Variants in BCR observed in about 807,000 individuals in gnomAD.
The protein encoded by BCR is breakpoint cluster region protein.
BCR carries 58 observed loss-of-function variants against 138.6 expected under a neutral mutation model. The observed-to-expected ratio is 0.42, with a 90% CI of 0.34 to 0.52. The LOEUF is 0.52. BCR is among the 20% of genes least tolerant of loss of function. BCR has a pLI of 0.06. For missense variants in BCR, 1,599 were observed against 1,727.2 expected (o/e 0.93, Z 1.32); for synonymous variants, 786 against 730.1 (o/e 1.08, Z -1.23).
chr22:23,220,437 C>CT (rs2072811455), intron 1 of BCR, among the ~76,000 whole-genome samples: 1 of 152,172 alleles, frequency 6.6e-6, no homozygotes, highest in East Asian at 1.9e-4. Flanking sequence ...GTGGCTATAA[C>CT]TGTCTTGGAG....
intron 1 of BCR, among the ~76,000 whole-genome samples, chr22:23,249,305 G>T (rs1363447725): frequency 6.6e-6 from 1 of 152,008 alleles, no homozygotes; most frequent in Non-Finnish European, 1.5e-5. Context: ...GGTGGCGCAC[G>T]CCTGTAGTCC....
chr22:23,182,146 C>G lies in BCR; in HGVS notation c.1186C>G (p.Pro396Ala). 1 of 1,609,860 alleles carries G rather than the reference C, an allele frequency of 6.2e-7. No individual in the cohort carries two copies. The highest frequency in any genetic ancestry group is 8.5e-7 in the Non-Finnish European group (1 of 1,179,792). ...GTGCCATAAGCGGCACCGGCACTGC[C>G]CGGTTGTCGTGTCCGAGGCCACCAT... ...PQCHKRHRHCPVVVSEATIVG... is the reference protein window; with the variant it reads ...PQCHKRHRHCAVVVSEATIVG... The change falls in exon 1 of 23, where the codon CCG becomes GCG. Residue 396 changes from proline (P) to alanine (A), a missense_variant. Around this residue, in one of 4 missense-constraint regions of BCR, gnomAD observed 806 missense variants for 635.0 expected, o/e 1.27. Coordinates refer to ENST00000305877, the MANE Select transcript of BCR (RefSeq NM_004327.4).
At chr22:23,225,502 C>T (rs1034591626) in intron 1 of BCR, among the ~76,000 whole-genome samples, 3 of 152,190 alleles carry the variant, frequency 2.0e-5, no homozygotes, top group Non-Finnish European at 2.9e-5. Context: ...GGATGTGGCC[C>T]AAGCTCAGTC....
chr22:23,255,140 G>T (rs984888626), intron 2 of BCR, among the ~76,000 whole-genome samples: 4 of 152,132 alleles, frequency 2.6e-5, no homozygotes, highest in African/African-American at 9.7e-5. Context: ...CTTTTTTCTG[G>T]GGCTGACATG....
intron 1 of BCR, among the ~76,000 whole-genome samples, chr22:23,238,325 G>A (rs1432188148): frequency 1.3e-5 from 2 of 152,056 alleles, no homozygotes; most frequent in Non-Finnish European, 2.9e-5. Flanking sequence ...CAGATTTTCC[G>A]GGGGAAAATC....
chr22:23,231,162 TG>T, intron 1 of BCR, among the ~76,000 whole-genome samples: 1 of 152,160 alleles, frequency 6.6e-6, no homozygotes. Context: ...GAAGGGATTT[TG>T]TTTTTGAGAC....
chr22:23,273,066 C>A lies in BCR; in HGVS notation c.1922-15C>A. The stretch of plus-strand genomic sequence containing the variant: ...TCCATGTGCAACCTCTCTCACCTCC[C>A]CTCTCTCTCCACAGCTCTGCTCTAC... On this transcript the variant is annotated splice_polypyrimidine_tract_variant and intron_variant, in intron 6 of 22. Transcript: ENST00000305877. 6.2e-7 allele frequency: 1 copy of A among 1,611,464 alleles called. No homozygotes were observed. Among genetic ancestry groups the A allele is most frequent in the Non-Finnish European group, 8.5e-7 (1 of 1,178,218 alleles).
chr22:23,246,566 T>G (rs1298285522), intron 1 of BCR, among the ~76,000 whole-genome samples: 1 of 152,126 alleles, frequency 6.6e-6, no homozygotes, highest in Non-Finnish European at 1.5e-5. Context: ...TGCCTTCTCT[T>G]TGGAATGAAA....
intron 1 of BCR, among the ~76,000 whole-genome samples, chr22:23,253,065 G>A (rs942438340): frequency 1.3e-5 from 2 of 152,116 alleles, no homozygotes; most frequent in African/African-American, 4.8e-5. Flanking sequence ...TTGCTGGAAC[G>A]GCTCAGAGAA....
chr22:23,241,290 G>T (rs907340489), intron 1 of BCR, among the ~76,000 whole-genome samples: 1 of 152,212 alleles, frequency 6.6e-6, no homozygotes, highest in Non-Finnish European at 1.5e-5. Flanking sequence ...CCGGGCTCAG[G>T]GTGGTGACCG....
intron 1 of BCR, among the ~76,000 whole-genome samples, chr22:23,226,393 A>G (rs1047342052): frequency 5.9e-5 from 9 of 152,036 alleles, no homozygotes; most frequent in African/African-American, 2.2e-4. Flanking sequence ...GTAAGAGAGC[A>G]AAGGATCTTC....
intron 1 of BCR, among the ~76,000 whole-genome samples, chr22:23,251,844 C>T (rs1197979326): frequency 6.6e-6 from 1 of 152,142 alleles, no homozygotes; most frequent in Non-Finnish European, 1.5e-5. Context: ...AGAAGGGATC[C>T]TCACATGAGC....
At chr22:23,307,583 G>T (rs968811645) in intron 16 of BCR, 3 of 151,380 alleles carry the variant, frequency 2.0e-5, no homozygotes, top group African/African-American at 7.3e-5. Context: ...GCTTCTCAGG[G>T]TGGGGTCCCT....
At chr22:23,219,216 A>G (rs1343431252) in intron 1 of BCR, among the ~76,000 whole-genome samples, 2 of 152,208 alleles carry the variant, frequency 1.3e-5, no homozygotes, top group South Asian at 4.1e-4. Flanking sequence ...GTGTCTTCCA[A>G]CTGGGTAGGT....
intron 8 of BCR, 87 bp downstream of exon 8, chr22:23,273,861 TC>T: frequency 6.4e-7 from 1 of 1,555,602 alleles, no homozygotes; most frequent in Non-Finnish European, 8.8e-7. Context: ...CTGGAGCCCT[TC>T]CTGGTCCTCA....
At position 23,181,422 on chromosome 22, in the gene BCR, C is replaced by G; in HGVS notation, c.462C>G (p.Leu154=). 6.3e-7 allele frequency: 1 copy of G among 1,583,856 alleles called. No individual in the cohort carries two copies. Among genetic ancestry groups the G allele is most frequent in the Non-Finnish European group, 8.6e-7 (1 of 1,162,994 alleles). Residue 154 remains leucine, a synonymous_variant, in exon 1 of 23, where the codon CTC becomes CTG. Transcript: ENST00000305877. ...GACCCCCCGCCAGCGTGGCGGCGCT[C>G]AGGTCCAACTTCGAGCGGATCCGCA... ...DRGPPASVAA[L]RSNFERIRKG...
chr22:23,310,131 T>C, intron 17 of BCR, 193 bp from the exon 18 acceptor site: 1 of 527,654 alleles, frequency 1.9e-6, no homozygotes, highest in South Asian at 2.0e-5. Context: ...ACCAGTCGTT[T>C]ACATCATCTT....
intron 1 of BCR, among the ~76,000 whole-genome samples, chr22:23,228,130 A>G (rs940605541): frequency 1.3e-5 from 2 of 152,128 alleles, no homozygotes; most frequent in Non-Finnish European, 2.9e-5. Flanking sequence ...TTAGTCTGCT[A>G]GAAGTCTGTT....
chr22:23,299,376 A>G (rs1429017365), intron 16 of BCR, among the ~76,000 whole-genome samples: 1 of 152,160 alleles, frequency 6.6e-6, no homozygotes, highest in Non-Finnish European at 1.5e-5. Context: ...CCCCCCAGGC[A>G]CATCACAGAC....
Sources: gnomAD v4.1 joint callset for allele counts (sites outside exome capture counted in the v4.1 genomes callset) on GRCh38, gnomAD v4.1.1 for gene constraint, gnomAD v4.1.1 regional missense constraint, MANE v1.5 for transcripts, NCBI Gene and HGNC (gene_info 2026-07-23, HGNC 2026-07-21) for gene names.